STARD13: variants seen among roughly 807,000 people sequenced by gnomAD.
The protein encoded by STARD13 is StAR related lipid transfer domain containing 13.
Under a neutral mutation model 106.4 loss-of-function variants are expected in STARD13, and 62 were observed. The observed-to-expected ratio is 0.58, with a 90% CI of 0.48 to 0.72. The LOEUF (loss-of-function observed/expected upper bound fraction) is 0.72, where lower values mean the gene tolerates loss of function less well. STARD13 is among the 30% of genes least tolerant of loss of function. The pLI is 0.00. For synonymous variants in STARD13, 565 were observed against 553.0 expected (o/e 1.02, Z -0.31); for missense variants, 1,387 against 1,424.0 (o/e 0.97, Z 0.42).
At chr13:33,590,839 A>G in the STARD13 span, among the ~76,000 whole-genome samples, 3,207 of 152,288 alleles carry the variant, frequency 0.021, 127 homozygotes, top group African/African-American at 0.072. Context: ...CATGTACCCT[A>G]GAACTTAAAG....
At chr13:33,511,476 C>T in the STARD13 span, 1 of 152,218 alleles carries the variant, frequency 6.6e-6, no homozygotes, top group East Asian at 1.9e-4. Context: ...TCACAAAGAT[C>T]TGTATTAGAG....
intron 1 of STARD13, among the ~76,000 whole-genome samples, chr13:33,263,887 G>A (rs1357615823): frequency 6.6e-6 from 1 of 152,022 alleles, no homozygotes; most frequent in Non-Finnish European, 1.5e-5. Flanking sequence ...TTGAATAATG[G>A]GTCTGCTCTT....
At chr13:33,288,590 T>A (rs534342055), upstream of STARD13, among the ~76,000 whole-genome samples, 1,926 of 150,614 alleles carry the variant, frequency 0.013, 44 homozygotes, top group African/African-American at 0.04. Flanking sequence ...TTTTTTTTTT[T>A]AAAAAAAGGG....
At chr13:33,641,785 C>A in the STARD13 span, among the ~76,000 whole-genome samples, 1 of 152,226 alleles carries the variant, frequency 6.6e-6, no homozygotes, top group South Asian at 2.1e-4. Context: ...AAACCGAATT[C>A]CAGAAAATCG....
intron 13 of STARD13, among the ~76,000 whole-genome samples, chr13:33,106,201 C>T (rs549326859): frequency 6.6e-6 from 1 of 152,330 alleles, no homozygotes; most frequent in African/African-American, 2.4e-5. Flanking sequence ...GGGCGGATCA[C>T]CTGAGGTTGG....
chr13:33,528,261 T>TATATATATATATATATATAC, the STARD13 span, among the ~76,000 whole-genome samples: 2 of 128,282 alleles, frequency 1.6e-5, no homozygotes, highest in East Asian at 2.1e-4. Context: ...TATATACATA[T>TATATATATATATATATATAC]ATATATATAT....
At chr13:33,491,673 C>A in the STARD13 span, among the ~76,000 whole-genome samples, 1 of 152,130 alleles carries the variant, frequency 6.6e-6, no homozygotes, top group African/African-American at 2.4e-5. Context: ...ACATTACAAC[C>A]TTAGAGATAA....
chr13:33,232,328 A>G (rs1888966378), intron 1 of STARD13, among the ~76,000 whole-genome samples: 1 of 152,214 alleles, frequency 6.6e-6, no homozygotes, highest in African/African-American at 2.4e-5. Context: ...TTAAATAAAT[A>G]AATAAATAAG....
chr13:33,554,569 T>C, the STARD13 span, among the ~76,000 whole-genome samples: 1 of 152,244 alleles, frequency 6.6e-6, no homozygotes, highest in Non-Finnish European at 1.5e-5. Context: ...AAATATCTGC[T>C]ATTATTATGC....
At chr13:33,639,922 A>G in the STARD13 span, among the ~76,000 whole-genome samples, 1 of 152,304 alleles carries the variant, frequency 6.6e-6, no homozygotes, top group Non-Finnish European at 1.5e-5. Context: ...TTCTTTGCCC[A>G]ATGAAACTTT....
chr13:33,206,823 T>C (rs1265150363), intron 1 of STARD13, among the ~76,000 whole-genome samples: 1 of 152,210 alleles, frequency 6.6e-6, no homozygotes, highest in Non-Finnish European at 1.5e-5. Flanking sequence ...ACGTTTACCA[T>C]GAATAGAAAA....
At chr13:33,665,838 C>T in the STARD13 span, among the ~76,000 whole-genome samples, 2 of 152,260 alleles carry the variant, frequency 1.3e-5, no homozygotes, top group South Asian at 4.1e-4. Flanking sequence ...TGACTCTCTC[C>T]TGGGGTCTCC....
At chr13:33,327,763 A>G (rs1168508528) in intron 1 of STARD13, among the ~76,000 whole-genome samples, 2 of 152,360 alleles carry the variant, frequency 1.3e-5, no homozygotes, top group Non-Finnish European at 2.9e-5. Context: ...TTTCAAATAC[A>G]TGGTAAAGGT....
rs200887879 is a variant in STARD13, at chr13:33,121,846, A to AT, written c.2083-3584dup. Among the ~76,000 whole-genome samples the AT allele has an allele frequency of 8.8e-3, 1,262 of 143,378 alleles. 16 individuals carry two copies. The highest frequency in any genetic ancestry group is 0.027 in the African/African-American group (1,039 of 38,552). 94.1% of individuals were successfully genotyped at this position (143,378 alleles called of 152,430 possible). A position where few individuals can be genotyped will look rare whatever the true frequency, so the allele number is the denominator to read the frequency against. On this transcript the variant is annotated intron_variant, in intron 7 of 13. Coordinates refer to ENST00000336934, the MANE Select transcript of STARD13 (RefSeq NM_178006.4). ...AGGTGTGCACCACCACGCCCAGCTA[A>AT]TTTTTTTTTTTTTTTTGAGATAAAG...
At chr13:33,135,662 G>A (rs1462365169) in intron 4 of STARD13, among the ~76,000 whole-genome samples, 1 of 152,188 alleles carries the variant, frequency 6.6e-6, no homozygotes, top group Non-Finnish European at 1.5e-5. Context: ...TAAGTGAAAA[G>A]GAATACCCTA....
At chr13:33,536,022 G>T in the STARD13 span, among the ~76,000 whole-genome samples, 1 of 152,140 alleles carries the variant, frequency 6.6e-6, no homozygotes, top group East Asian at 1.9e-4. Flanking sequence ...GTGATTTGGG[G>T]GACATGAATA....
intron 5 of STARD13, among the ~76,000 whole-genome samples, chr13:33,128,722 C>T (rs1373353717): frequency 1.3e-5 from 2 of 152,074 alleles, no homozygotes; most frequent in East Asian, 3.9e-4. Context: ...AGGATAAGCA[C>T]AAATAAATAT....
chr13:33,364,549 C>T, the STARD13 span, among the ~76,000 whole-genome samples: 1 of 152,218 alleles, frequency 6.6e-6, no homozygotes, highest in Non-Finnish European at 1.5e-5. Flanking sequence ...ACGACTTCCT[C>T]GTGGGCAAGG....
chr13:33,675,092 C>G, the STARD13 span, among the ~76,000 whole-genome samples: 1 of 152,160 alleles, frequency 6.6e-6, no homozygotes, highest in Non-Finnish European at 1.5e-5. Context: ...CACCTTTCGG[C>G]TAGAGCCATT....
Sources: allele counts gnomAD v4.1 joint callset (sites outside exome capture counted in the v4.1 genomes callset), GRCh38; gene constraint gnomAD v4.1.1; transcripts MANE v1.5; gene names NCBI Gene and HGNC (gene_info 2026-07-23, HGNC 2026-07-21).